PTPRG: variants seen among roughly 807,000 people sequenced by gnomAD.
PTPRG encodes the protein receptor-type tyrosine-protein phosphatase gamma.
Under a neutral mutation model 165.3 loss-of-function variants are expected in PTPRG, and 102 were observed. The ratio of observed to expected loss-of-function variants is 0.62; its 90% CI spans 0.53 to 0.73. The LOEUF is 0.73. PTPRG is among the 30% of genes least tolerant of loss of function. The probability of loss-of-function intolerance (pLI) is 0.00; values close to 1 mark genes in which losing one functional copy is unlikely to be tolerated. For synonymous variants in PTPRG, 675 were observed against 669.5 expected (o/e 1.01, Z -0.13); for missense variants, 1,866 against 1,861.4 (o/e 1.00, Z -0.05).
chr3:61,814,232 G>A (rs1287243971), intron 2 of PTPRG, among the ~76,000 whole-genome samples: 2 of 152,124 alleles, frequency 1.3e-5, no homozygotes, highest in African/African-American at 4.8e-5. Context: ...AGATATTGAT[G>A]GGGAGAAAGC....
chr3:61,948,429 G>A (rs186355456), intron 2 of PTPRG, among the ~76,000 whole-genome samples: 1 of 152,284 alleles, frequency 6.6e-6, no homozygotes, highest in African/African-American at 2.4e-5. Flanking sequence ...GCCAGGCATT[G>A]TTCTAGGTGC....
At chr3:61,605,150 T>A (rs1186850173) in intron 1 of PTPRG, among the ~76,000 whole-genome samples, 1 of 152,238 alleles carries the variant, frequency 6.6e-6, no homozygotes, top group Non-Finnish European at 1.5e-5. Context: ...GTCTGTTTAT[T>A]TTCTCATTCA....
intron 2 of PTPRG, among the ~76,000 whole-genome samples, chr3:61,966,418 G>A (rs1320532105): frequency 6.6e-6 from 1 of 151,824 alleles, no homozygotes; most frequent in Admixed American, 6.5e-5. Context: ...GTATGGCTCT[G>A]TCCTGATGGA....
intron 13 of PTPRG, among the ~76,000 whole-genome samples, chr3:62,223,767 A>T (rs1170706097): frequency 1.3e-5 from 2 of 152,182 alleles, no homozygotes; most frequent in Admixed American, 1.3e-4. Context: ...GTATGCCTCA[A>T]ATGAAGTTTT....
At chr3:62,283,892 A>AAATT (rs1702541232) in intron 28 of PTPRG, among the ~76,000 whole-genome samples, 1 of 152,136 alleles carries the variant, frequency 6.6e-6, no homozygotes, top group Admixed American at 6.6e-5. Flanking sequence ...GTAAGGTGAA[A>AAATT]AATTAAGATT....
chr3:62,206,912 C>CAAAAAAA (rs556974355), intron 12 of PTPRG, among the ~76,000 whole-genome samples: 5 of 37,336 alleles, frequency 1.3e-4, no homozygotes, highest in African/African-American at 2.8e-4. Context: ...GACTCTGTCT[C>CAAAAAAA]AAAAAAAAAA....
chr3:62,043,836 A>G (rs755600784), intron 4 of PTPRG, among the ~76,000 whole-genome samples: 5 of 152,230 alleles, frequency 3.3e-5, no homozygotes. Flanking sequence ...AAATACGTGA[A>G]TGAAGAAACA....
intron 1 of PTPRG, among the ~76,000 whole-genome samples, chr3:61,721,712 G>A (rs1402061132): frequency 1.3e-5 from 2 of 152,026 alleles, no homozygotes; most frequent in Non-Finnish European, 2.9e-5. Flanking sequence ...CCCCTGGCTA[G>A]GGCTGCCATG....
chr3:62,136,929 T>C (rs560583236), intron 6 of PTPRG, among the ~76,000 whole-genome samples: 1 of 152,338 alleles, frequency 6.6e-6, no homozygotes, highest in East Asian at 1.9e-4. Flanking sequence ...CTATTGCTTT[T>C]CTAGGGAGAG....
chr3:61,904,559 C>T (rs2038593104), intron 2 of PTPRG, among the ~76,000 whole-genome samples: 1 of 152,154 alleles, frequency 6.6e-6, no homozygotes, highest in South Asian at 2.1e-4. Context: ...TAAAACCTTC[C>T]TGGCAGATGT....
At chr3:62,277,160 T>A in intron 25 of PTPRG, 112 bp downstream of exon 25, 1 of 815,770 alleles carries the variant, frequency 1.2e-6, no homozygotes, top group Non-Finnish European at 2.0e-6. Flanking sequence ...CAATGTGTAA[T>A]ATGAAAAGTA....
intron 2 of PTPRG, 121 bp downstream of exon 2, chr3:61,749,103 T>A (rs1346871298): frequency 2.4e-6 from 2 of 844,462 alleles, no homozygotes; most frequent in Non-Finnish European, 3.9e-6. Context: ...CTTTCGTAGT[T>A]CACTAAAAGT....
At chr3:62,089,307 A>T (rs1445063350) in intron 5 of PTPRG, among the ~76,000 whole-genome samples, 2 of 152,330 alleles carry the variant, frequency 1.3e-5, no homozygotes, top group East Asian at 3.9e-4. Context: ...TGTGATGGCA[A>T]ACTTGGAAGA....
chr3:61,893,254 G>A (rs2038265367), intron 2 of PTPRG, among the ~76,000 whole-genome samples: 1 of 152,202 alleles, frequency 6.6e-6, no homozygotes, highest in Non-Finnish European at 1.5e-5. Flanking sequence ...AGATGTTCTT[G>A]TAGACTTGTT....
At chr3:61,708,285 G>A (rs1026728756) in intron 1 of PTPRG, among the ~76,000 whole-genome samples, 3 of 151,822 alleles carry the variant, frequency 2.0e-5, no homozygotes, top group Non-Finnish European at 4.4e-5. Flanking sequence ...AGTGAAGAGG[G>A]CATGATGTTT....
At chr3:61,930,368 C>T (rs920174701) in intron 2 of PTPRG, among the ~76,000 whole-genome samples, 11 of 152,172 alleles carry the variant, frequency 7.2e-5, no homozygotes, top group African/African-American at 2.4e-4. Context: ...AACAATTCCA[C>T]GTGGAAGAAT....
chr3:61,661,639 TTTTTAACTTGG>T (rs1702671748), intron 1 of PTPRG, among the ~76,000 whole-genome samples: 1 of 152,258 alleles, frequency 6.6e-6, no homozygotes, highest in African/African-American at 2.4e-5. Context: ...ATTCCTTTTA[TTTTTAACTTGG>T]ATAAAGAGCT....
intron 1 of PTPRG, among the ~76,000 whole-genome samples, chr3:61,698,229 C>T (rs113006887): frequency 6.6e-6 from 1 of 152,050 alleles, no homozygotes; most frequent in South Asian, 2.1e-4. Context: ...TTTTTCCCTA[C>T]AATTTGATAT....
At chr3:61,795,163 T>G (rs2107144457) in intron 2 of PTPRG, among the ~76,000 whole-genome samples, 2 of 152,300 alleles carry the variant, frequency 1.3e-5, no homozygotes, top group South Asian at 4.1e-4. Flanking sequence ...TAAGTAGCTT[T>G]TCTAAGGTCA....
Sources: gnomAD v4.1 joint callset for allele counts (sites outside exome capture counted in the v4.1 genomes callset) on GRCh38, gnomAD v4.1.1 for gene constraint, MANE v1.5 for transcripts, NCBI Gene and HGNC (gene_info 2026-07-23, HGNC 2026-07-21) for gene names.